The following SGCZ variants were observed in gnomAD, a reference collection of about 807,000 sequenced individuals.
SGCZ encodes the protein sarcoglycan zeta.
In SGCZ, 40 loss-of-function variants were observed where a neutral mutation model predicts 41.3. The observed-to-expected ratio is 0.97, with a 90% CI of 0.75 to 1.26. The LOEUF (loss-of-function observed/expected upper bound fraction) is 1.26. Among genes scored for constraint, SGCZ ranks in the 50% most tolerant of loss-of-function variants. The probability of loss-of-function intolerance (pLI) is 0.00; values close to 1 mark genes in which losing one functional copy is unlikely to be tolerated. For synonymous variants in SGCZ, 206 were observed against 137.5 expected (o/e 1.50, Z -3.49); for missense variants, 552 against 369.8 (o/e 1.49, Z -4.04).
At chr8:14,251,988 G>C (rs1454142554) in intron 3 of SGCZ, among the ~76,000 whole-genome samples, 4 of 152,074 alleles carry the variant, frequency 2.6e-5, no homozygotes, top group Admixed American at 2.6e-4. Context: ...GGGATTACAG[G>C]CGTGAGCCAC....
At chr8:14,771,376 T>G (rs1007941053) in intron 1 of SGCZ, among the ~76,000 whole-genome samples, 1 of 152,150 alleles carries the variant, frequency 6.6e-6, no homozygotes, top group African/African-American at 2.4e-5. Context: ...CTTGGCACAT[T>G]TATTTTTAGG....
In SGCZ at chr8:14,089,456, C is replaced by T. The variant is rs1801619802; in HGVS notation, c.*987G>A. On this transcript the variant is annotated 3_prime_UTR_variant, in exon 8 of 8. Coordinates refer to ENST00000382080, the MANE Select transcript of SGCZ (RefSeq NM_139167.4). ...AGAATTTATTCTCAGCATTATGCAT[C>T]ATATTAGTATTATTTATTTAGAAGA... Among the ~76,000 whole-genome samples the T allele has an allele frequency of 6.6e-6, 1 of 151,918 alleles. No individual in the cohort carries two copies. The highest frequency in any genetic ancestry group is 1.5e-5 in the Non-Finnish European group (1 of 67,944).
chr8:14,168,538 A>C (rs1204956193), intron 4 of SGCZ, among the ~76,000 whole-genome samples: 1 of 152,062 alleles, frequency 6.6e-6, no homozygotes, highest in Admixed American at 6.6e-5. Flanking sequence ...TCCCTGCACA[A>C]GCTCTTATCT....
intron 1 of SGCZ, among the ~76,000 whole-genome samples, chr8:14,639,962 G>A (rs1424915535): frequency 6.6e-6 from 1 of 151,544 alleles, no homozygotes; most frequent in African/African-American, 2.4e-5. Context: ...GTTACTTAGA[G>A]CAGAAAGATA....
At chr8:14,210,097 GC>G (rs1178584940) in intron 4 of SGCZ, among the ~76,000 whole-genome samples, 2 of 152,100 alleles carry the variant, frequency 1.3e-5, no homozygotes, top group East Asian at 3.9e-4. Context: ...TCACTCTGTC[GC>G]CCAGACTGGA....
intron 2 of SGCZ, among the ~76,000 whole-genome samples, chr8:14,488,835 T>C (rs1473529893): frequency 1.3e-5 from 2 of 149,494 alleles, no homozygotes; most frequent in Non-Finnish European, 3.0e-5. Flanking sequence ...AAATAACATT[T>C]TCCCCACCTC....
At position 14,692,269 on chromosome 8, in the gene SGCZ, G is replaced by A. The variant is rs182114719; in HGVS notation, c.40-137343C>T. Among the ~76,000 whole-genome samples the A allele has an allele frequency of 5.6e-4, 85 of 151,900 alleles. 1 individual carries two copies. The highest frequency in any genetic ancestry group is 6.8e-3 in the Middle Eastern group (2 of 294). ...TATCTTAGAATAAAACCAACCATAG[G>A]ATATTGTCAAATGAGCCAAGAGAGA... On this transcript the variant is annotated intron_variant, in intron 1 of 7. Coordinates refer to ENST00000382080, the MANE Select transcript of SGCZ (RefSeq NM_139167.4).
chr8:14,444,702 A>G (rs1800381485), intron 2 of SGCZ, among the ~76,000 whole-genome samples: 1 of 151,758 alleles, frequency 6.6e-6, no homozygotes, highest in Non-Finnish European at 1.5e-5. Context: ...TAGGAGATAT[A>G]CCTAATGCTA....
At position 15,053,229 on chromosome 8, in the gene SGCZ, T is replaced by C. The variant is rs1164962222; in HGVS notation, c.39+184356A>G. On this transcript the variant is annotated intron_variant, in intron 1 of 7. Transcript: ENST00000382080. ...CACACCATGTTCATGTCAGTTCTTC[T>C]GGATGGCAACTTTGTCTTTCTTCCT... 2.6e-5 allele frequency among the ~76,000 whole-genome samples: 4 copies of C among 152,214 alleles called. No individual in the cohort carries two copies. The East Asian group carries it at 5.8e-4, about 22-fold the overall frequency.
At chr8:14,193,713 G>C (rs544642384) in intron 4 of SGCZ, among the ~76,000 whole-genome samples, 2 of 152,090 alleles carry the variant, frequency 1.3e-5, no homozygotes, top group East Asian at 3.9e-4. Flanking sequence ...ATAATATTGA[G>C]AAACAACTTC....
intron 1 of SGCZ, among the ~76,000 whole-genome samples, chr8:15,090,502 G>A (rs1431912880): frequency 6.6e-6 from 1 of 152,178 alleles, no homozygotes; most frequent in African/African-American, 2.4e-5. Flanking sequence ...CTGCACCCAG[G>A]AGGGAACAAA....
chr8:15,097,897 T>G (rs1387013670), intron 1 of SGCZ, among the ~76,000 whole-genome samples: 4 of 111,596 alleles, frequency 3.6e-5, no homozygotes, highest in Admixed American at 9.4e-5. Context: ...TGTATATATA[T>G]ATATATATAT....
chr8:14,151,503 T>C (rs1290814498), intron 5 of SGCZ, among the ~76,000 whole-genome samples: 1 of 151,890 alleles, frequency 6.6e-6, no homozygotes, highest in African/African-American at 2.4e-5. Flanking sequence ...ATAGTAAAAA[T>C]GACAATTCTC....
chr8:14,563,077 G>C (rs1433505581), intron 1 of SGCZ, among the ~76,000 whole-genome samples: 1 of 152,140 alleles, frequency 6.6e-6, no homozygotes, highest in Admixed American at 6.5e-5. Context: ...ACTGAAGATA[G>C]CTGTGCTATG....
intron 3 of SGCZ, among the ~76,000 whole-genome samples, chr8:14,291,267 T>C (rs1230648191): frequency 3.3e-5 from 5 of 152,062 alleles, no homozygotes; most frequent in African/African-American, 7.2e-5. Flanking sequence ...CAATAATGTA[T>C]TGTACATTTC....
intron 1 of SGCZ, among the ~76,000 whole-genome samples, chr8:14,673,317 A>T (rs548483931): frequency 6.6e-6 from 1 of 152,186 alleles, no homozygotes; most frequent in South Asian, 2.1e-4. Context: ...TGATTGTATC[A>T]TGGGGGTGGT....
At chr8:14,571,050 G>C (rs1300042597) in intron 1 of SGCZ, among the ~76,000 whole-genome samples, 1 of 152,186 alleles carries the variant, frequency 6.6e-6, no homozygotes, top group African/African-American at 2.4e-5. Context: ...GAACACCTGA[G>C]ACTGGGTTTA....
chr8:14,352,843 G>C (rs188698607), intron 2 of SGCZ, among the ~76,000 whole-genome samples: 3 of 151,970 alleles, frequency 2.0e-5, no homozygotes, highest in Non-Finnish European at 2.9e-5. Flanking sequence ...ATTTTTAGGT[G>C]TCTTTTAACA....
chr8:14,378,140 C>T (rs1216594810), intron 2 of SGCZ, among the ~76,000 whole-genome samples: 2 of 149,988 alleles, frequency 1.3e-5, no homozygotes, highest in Non-Finnish European at 3.0e-5. Context: ...GTTTACAGTC[C>T]CACCAACAGT....
Sources: allele counts gnomAD v4.1 joint callset (sites outside exome capture counted in the v4.1 genomes callset), GRCh38; gene constraint gnomAD v4.1.1; transcripts MANE v1.5; gene names NCBI Gene and HGNC (gene_info 2026-07-23, HGNC 2026-07-21).